MYRFL: variants seen among roughly 807,000 people sequenced by gnomAD.
MYRFL encodes myelin regulatory factor like.
MYRFL carries 88 observed loss-of-function variants against 109.4 expected under a neutral mutation model. The ratio of observed to expected loss-of-function variants is 0.80; its 90% CI spans 0.68 to 0.96. MYRFL has a LOEUF of 0.96. Ranked by LOEUF, MYRFL falls within the 40% of genes least tolerant of loss-of-function variation. The pLI is 0.00. For synonymous variants in MYRFL, 324 were observed against 320.9 expected (o/e 1.01, Z -0.10); for missense variants, 957 against 954.9 (o/e 1.00, Z -0.03).
intron 1 of MYRFL, 120 bp downstream of exon 1, chr12:69,825,683 A>T (rs1184762797): frequency 3.2e-6 from 2 of 632,644 alleles, no homozygotes; most frequent in African/African-American, 3.6e-5. Context: ...TACTTAGGTA[A>T]CTCTCCTAAT....
At chr12:69,934,625 A>ATT (rs1380757285) in intron 16 of MYRFL, among the ~76,000 whole-genome samples, 1 of 152,172 alleles carries the variant, frequency 6.6e-6, no homozygotes, top group Non-Finnish European at 1.5e-5. Flanking sequence ...AAAGCAGAGA[A>ATT]TTTTATTGAG....
chr12:69,913,133 T>C (rs548200457), intron 13 of MYRFL, among the ~76,000 whole-genome samples: 5 of 152,314 alleles, frequency 3.3e-5, no homozygotes, highest in Middle Eastern at 3.4e-3. Context: ...ATTCAAGTCC[T>C]TTGCCCATTT....
chr12:69,938,739 C>T (rs528142229), intron 19 of MYRFL, among the ~76,000 whole-genome samples: 73 of 152,264 alleles, frequency 4.8e-4, no homozygotes, highest in African/African-American at 1.5e-3. Context: ...CCAGCCTGAG[C>T]GATGCAGAAG....
Position 69,928,989 on chromosome 12 carries a change from T to A in MYRFL, c.1830+1241T>A, listed in dbSNP as rs146344872. ...TTATTTTGCAGTTATCTCAGAATAT[T>A]AACTAGAATATATGGCTCATGAGAG... On this transcript the variant is annotated intron_variant, in intron 15 of 24. Transcript: ENST00000552032. Among the ~76,000 whole-genome samples, 195 of 152,258 alleles carry A rather than the reference T, an allele frequency of 1.3e-3. 2 individuals carry two copies. In the East Asian group the frequency reaches 0.03, roughly 23 times the overall value.
chr12:69,860,875 A>T (rs1254781151), intron 2 of MYRFL, among the ~76,000 whole-genome samples: 51 of 132,436 alleles, frequency 3.9e-4, no homozygotes, highest in Middle Eastern at 3.7e-3. Context: ...TATCTCCTAA[A>T]GCTATCCCTC....
chr12:69,946,237 C>A (rs1477375785), intron 19 of MYRFL, among the ~76,000 whole-genome samples: 1 of 152,044 alleles, frequency 6.6e-6, no homozygotes, highest in African/African-American at 2.4e-5. Flanking sequence ...TGGTGCCAGG[C>A]TGTGTCCACC....
intron 1 of MYRFL, among the ~76,000 whole-genome samples, chr12:69,847,702 A>G (rs1236767759): frequency 3.3e-5 from 5 of 152,170 alleles, no homozygotes; most frequent in African/African-American, 4.8e-5. Flanking sequence ...CTTTAGTACT[A>G]TGAGGTTACA....
intron 6 of MYRFL, among the ~76,000 whole-genome samples, chr12:69,890,515 T>A (rs764873756): frequency 2.2e-4 from 33 of 152,194 alleles, no homozygotes; most frequent in Non-Finnish European, 4.4e-4. Context: ...TTGGGATCAC[T>A]TGAGGTCAGG....
intron 13 of MYRFL, among the ~76,000 whole-genome samples, chr12:69,911,241 A>C (rs370290620): frequency 6.6e-4 from 100 of 152,330 alleles, no homozygotes; most frequent in African/African-American, 2.4e-3. Context: ...AGGGCCAAAC[A>C]TCATGATAAA....
chr12:69,835,549 C>T (rs1882883320), intron 1 of MYRFL, among the ~76,000 whole-genome samples: 1 of 152,196 alleles, frequency 6.6e-6, no homozygotes, highest in Admixed American at 6.5e-5. Flanking sequence ...GCAGATTAGA[C>T]ATCTTTGGAA....
chr12:69,908,441 G>A (rs1034380428), intron 11 of MYRFL, among the ~76,000 whole-genome samples: 1 of 152,188 alleles, frequency 6.6e-6, no homozygotes, highest in Non-Finnish European at 1.5e-5. Context: ...GAAGGGGAAG[G>A]CAGGGGAATG....
At chr12:69,832,042 A>G (rs894564230) in intron 1 of MYRFL, among the ~76,000 whole-genome samples, 4 of 152,310 alleles carry the variant, frequency 2.6e-5, no homozygotes, top group Admixed American at 6.5e-5. Flanking sequence ...TGGCACTATT[A>G]AAGTTTAGGG....
At chr12:69,877,027 T>TTTCTTTCTTTCTTTCTTTC (rs1885715465) in intron 2 of MYRFL, among the ~76,000 whole-genome samples, 20 of 37,196 alleles carry the variant, frequency 5.4e-4, no homozygotes, top group Admixed American at 9.5e-4. Flanking sequence ...TTCTTTCTTT[T>TTTCTTTCTTTCTTTCTTTC]TTTTTTTTTT....
rs1283091111 is a variant in MYRFL, at chr12:69,927,731, C to T, written c.1813C>T (p.His605Tyr). Residue 605 changes from histidine to tyrosine, a missense_variant, in exon 15 of 25, where the codon CAT (histidine) becomes TAT (tyrosine). Physicochemically the swap from His to Tyr is moderately conservative, Grantham distance 83. Transcript: ENST00000552032. Reference protein sequence around the residue: ...VSASSPRRAVHKKNNKVYFSG... With the variant: ...VSASSPRRAVYKKNNKVYFSG... Reference sequence around the variant, plus strand: ...TGCATCTTCTCCAAGAAGGGCCGTTCATAAAAAAAACAACAAGGTAAATAG... The same window carrying T: ...TGCATCTTCTCCAAGAAGGGCCGTTTATAAAAAAAACAACAAGGTAAATAG... 1 of 1,530,712 alleles carries T rather than the reference C, an allele frequency of 6.5e-7. No homozygotes were observed. The highest frequency in any genetic ancestry group is 1.4e-5 in the African/African-American group (1 of 72,478). The allele number at this position is 1,530,712 out of a possible 1,614,324, so 94.8% of individuals were successfully genotyped here.
intron 19 of MYRFL, among the ~76,000 whole-genome samples, chr12:69,944,052 G>C (rs1388690585): frequency 6.7e-6 from 1 of 150,336 alleles, no homozygotes; most frequent in African/African-American, 2.5e-5. Context: ...TGGAGAGGAT[G>C]TGGAGAAATA....
chr12:69,838,990 G>A (rs1249774715), intron 1 of MYRFL, among the ~76,000 whole-genome samples: 2 of 152,242 alleles, frequency 1.3e-5, no homozygotes, highest in East Asian at 1.9e-4. Context: ...TAAAGACATC[G>A]AGCCAACCAG....
intron 13 of MYRFL, among the ~76,000 whole-genome samples, chr12:69,924,464 T>C (rs1019758453): frequency 6.6e-6 from 1 of 152,196 alleles, no homozygotes; most frequent in Non-Finnish European, 1.5e-5. Context: ...TACAGTTGCA[T>C]AGTATACTGC....
intron 12 of MYRFL, among the ~76,000 whole-genome samples, chr12:69,910,584 T>C (rs1954529755): frequency 6.8e-6 from 1 of 147,004 alleles, no homozygotes; most frequent in African/African-American, 2.5e-5. Flanking sequence ...TTTACTTCTA[T>C]GGACAGGGAT....
intron 5 of MYRFL, among the ~76,000 whole-genome samples, chr12:69,881,370 A>G (rs147133756): frequency 3.7e-4 from 57 of 152,340 alleles, no homozygotes; most frequent in African/African-American, 1.3e-3. Context: ...TTGTCACCTT[A>G]GCAAGAGGTT....
Sources: allele counts gnomAD v4.1 joint callset (sites outside exome capture counted in the v4.1 genomes callset), GRCh38; gene constraint gnomAD v4.1.1; transcripts MANE v1.5; gene names NCBI Gene and HGNC (gene_info 2026-07-23, HGNC 2026-07-21).